BRME1: variants seen among roughly 807,000 people sequenced by gnomAD.
The protein encoded by BRME1 is BRCA2 and MEILB2-associating protein 1.
A neutral mutation model predicts 52.6 loss-of-function variants in BRME1; 31 were observed. The observed-to-expected ratio is 0.59, with a 90% CI of 0.44 to 0.80. The LOEUF is 0.80. Among genes scored for constraint, BRME1 ranks in the 30% least tolerant of loss-of-function variants. BRME1 has a pLI of 0.00. For missense variants in BRME1, 804 were observed against 860.3 expected (o/e 0.93, Z 0.82); for synonymous variants, 359 against 353.6 (o/e 1.02, Z -0.17).
chr19:13,892,737 G>T, intron 5 of BRME1, 49 bp downstream of exon 5: 1 of 1,500,266 alleles, frequency 6.7e-7, no homozygotes, highest in Non-Finnish European at 9.3e-7. Flanking sequence ...GGCTGGGCCA[G>T]GAGGCTGCAC....
In BRME1 at chr19:13,888,693, A is replaced by C. The variant is rs1857539065; in HGVS notation, c.1668+495T>G. Among the ~76,000 whole-genome samples the C allele has an allele frequency of 6.6e-6, 1 of 152,218 alleles. No individual in the cohort carries two copies. The highest frequency in any genetic ancestry group is 1.5e-5 in the Non-Finnish European group (1 of 68,036). ...CAAAATGACTTATGTATGTTTGGAA[A>C]AGAATCATATCAGGACCCCCAGAGG... On this transcript the variant is annotated intron_variant, in intron 6 of 8. Transcript: ENST00000586783. This position sits in a 1 kb window ranked among gnomAD's most constrained non-coding sequence, Gnocchi z 4.1.
At chr19:13,891,780 C>T (rs1485125509) in intron 5 of BRME1, among the ~76,000 whole-genome samples, 1 of 147,266 alleles carries the variant, frequency 6.8e-6, no homozygotes, top group East Asian at 2.3e-4. Flanking sequence ...AGTTTTAAAA[C>T]AATTATTGTA....
At chr19:13,895,253 G>A in intron 3 of BRME1, 119 bp downstream of exon 3, 3 of 1,029,790 alleles carry the variant, frequency 2.9e-6, no homozygotes, top group Non-Finnish European at 4.2e-6. Flanking sequence ...CTGGGAGGGA[G>A]TGGGTCACAG....
At chr19:13,891,135 T>TTTATTATTATTATTA (rs148642817) in intron 5 of BRME1, among the ~76,000 whole-genome samples, 409 of 146,658 alleles carry the variant, frequency 2.8e-3, no homozygotes, top group East Asian at 6.8e-3. Context: ...CAATTTCCTG[T>TTTATTATTATTATTA]TTATTATTAT....
At chr19:13,893,008 C>A in intron 4 of BRME1, 118 bp from the exon 5 acceptor site, 1 of 1,361,014 alleles carries the variant, frequency 7.3e-7, no homozygotes. Flanking sequence ...TCCACCCTTG[C>A]CCTCTGGGCA....
At chr19:13,885,811 C>G in intron 7 of BRME1, 150 bp downstream of exon 7, 2 of 640,286 alleles carry the variant, frequency 3.1e-6, no homozygotes, top group Non-Finnish European at 2.7e-6. Flanking sequence ...GGAATGTATA[C>G]AGTTTGAAAG....
At position 13,889,772 on chromosome 19, in the gene BRME1, G is replaced by C. The variant is rs777901983; in HGVS notation, c.1084C>G (p.Gln362Glu). The C allele has an allele frequency of 6.2e-7, 1 of 1,611,662 alleles. No homozygotes were observed. The highest frequency in any genetic ancestry group is 1.1e-5 in the South Asian group (1 of 91,040). ...RALEVAGPDG[Q>E]ASAISPASPR... is the part of the protein sequence containing the mutation. ...GAGGCAGGTGATATGGCACTGGCCT[G>C]CCCATCGGGCCCAGCCACCTCCAGA... is the stretch of plus-strand genomic sequence containing the variant. The change falls in exon 6 of 9, where the codon CAG (glutamine) becomes GAG (glutamate). Residue 362 changes from glutamine (Q) to glutamate (E), a missense_variant. Gln to Glu is a conservative substitution (Grantham distance 29, BLOSUM62 2). Coordinates refer to ENST00000586783, the MANE Select transcript of BRME1 (RefSeq NM_001345843.2).
rs1668210195 is a variant in BRME1 at position 13,883,835 on chromosome 19, C to T, written c.1764-435G>A. On this transcript the variant is annotated intron_variant, in intron 7 of 8. Coordinates refer to ENST00000586783, the MANE Select transcript of BRME1 (RefSeq NM_001345843.2). This position sits in a 1 kb window ranked among gnomAD's most constrained non-coding sequence, Gnocchi z 4.2. ...TCCTGGCCATTCCTTGAGCACCTCT[C>T]AGGATTCTGGAATGTTCTTTCCCAA... Among the ~76,000 whole-genome samples the T allele has an allele frequency of 6.6e-6, 1 of 151,176 alleles. No homozygotes were observed. Among genetic ancestry groups the T allele is most frequent in the African/African-American group, 2.5e-5 (1 of 40,628 alleles).
At position 13,883,019 on chromosome 19, in the gene BRME1, TCA is replaced by T. The variant is rs1348060258; in HGVS notation, c.1857-69_1857-68del. The T allele has an allele frequency of 3.9e-6, 6 of 1,557,678 alleles. No homozygotes were observed. The African/African-American group carries it at 8.2e-5, about 21-fold the overall frequency. On this transcript the variant is annotated intron_variant, in intron 8 of 8. Transcript: ENST00000586783. This position sits in a 1 kb window ranked among gnomAD's most constrained non-coding sequence, Gnocchi z 4.2. ...ACCAGGTGACAGAGGGGGCCGCGCC[TCA>T]CAGCCACATGGTCACCAATGACTCA... is the stretch of plus-strand genomic sequence containing the variant.
In BRME1 at chr19:13,883,248, C is replaced by T. The variant is rs1179646292; in HGVS notation, c.1856+60G>A. On this transcript the variant is annotated intron_variant, in intron 8 of 8. Coordinates refer to ENST00000586783, the MANE Select transcript of BRME1 (RefSeq NM_001345843.2). This position sits in a 1 kb window ranked among gnomAD's most constrained non-coding sequence, Gnocchi z 4.2. ...TTCACACTTCAGTCCCTCCCTGCTCCTCTGAGTCCCCACTGGCCTCCCGCA... is the reference window on the plus strand; with the variant it reads ...TTCACACTTCAGTCCCTCCCTGCTCTTCTGAGTCCCCACTGGCCTCCCGCA... 3.5e-6 allele frequency: 5 copies of T among 1,433,276 alleles called. No individual in the cohort carries two copies. The highest frequency in any genetic ancestry group is 4.7e-6 in the Non-Finnish European group (5 of 1,056,758). 88.8% of individuals were successfully genotyped at this position (1,433,276 alleles called of 1,614,324 possible). A position where few individuals can be genotyped will look rare whatever the true frequency, so the allele number is the denominator to read the frequency against.
Position 13,882,839 on chromosome 19 carries a change from T to A in BRME1, c.1970A>T (p.Asn657Ile), listed in dbSNP as rs546246448. 2 of 1,613,892 alleles carry A rather than the reference T, an allele frequency of 1.2e-6. No homozygotes were observed. The highest frequency in any genetic ancestry group is 8.5e-7 in the Non-Finnish European group (1 of 1,179,946). Residue 657 changes from asparagine to isoleucine, a missense_variant, in exon 9 of 9, where the codon AAT (asparagine) becomes ATT (isoleucine). Asn to Ile is a moderately radical substitution (Grantham distance 149). Around this residue, in one of 3 missense-constraint regions of BRME1, gnomAD observed 552 missense variants for 561.1 expected, o/e 0.98. Transcript: ENST00000586783. ...CCAGGGTGGGTCCCCTCGAGGGATA[T>A]TCCCAGGCCCCTTGGAAGGGTAAGG... ...PLPYPSKGPG[N>I]IPRGDPPWRE... is the part of the protein sequence containing the mutation.
intron 2 of BRME1, among the ~76,000 whole-genome samples, chr19:13,897,691 C>A (rs1222726473): frequency 1.3e-5 from 2 of 151,418 alleles, no homozygotes; most frequent in African/African-American, 4.9e-5. Flanking sequence ...CATGGCGAAA[C>A]CCTGTCTAAA....
chr19:13,887,548 C>T (rs191327793), intron 6 of BRME1, among the ~76,000 whole-genome samples: 1 of 152,314 alleles, frequency 6.6e-6, no homozygotes, highest in Admixed American at 6.5e-5. Context: ...CCTAGGCACA[C>T]CTGGCCCCAA....
chr19:13,904,544 C>T (rs1377106906), intron 2 of BRME1, among the ~76,000 whole-genome samples: 4 of 152,086 alleles, frequency 2.6e-5, no homozygotes, highest in South Asian at 2.1e-4. Flanking sequence ...CAGGTTCAAA[C>T]GATTCTCCTG....
chr19:13,888,681 G>C lies in BRME1; in HGVS notation c.1668+507C>G, dbSNP rs553626978. Among the ~76,000 whole-genome samples the C allele has an allele frequency of 6.6e-6, 1 of 152,344 alleles. No individual in the cohort carries two copies. The highest frequency in any genetic ancestry group is 1.9e-4 in the East Asian group (1 of 5,184). Reference sequence around the variant, plus strand: ...CTGGCAGAAAAACAAAATGACTTATGTATGTTTGGAAAAGAATCATATCAG... The same window carrying C: ...CTGGCAGAAAAACAAAATGACTTATCTATGTTTGGAAAAGAATCATATCAG... On this transcript the variant is annotated intron_variant, in intron 6 of 8. Coordinates refer to ENST00000586783, the MANE Select transcript of BRME1 (RefSeq NM_001345843.2). The surrounding 1 kb of genome is among the most constrained non-coding windows in gnomAD (Gnocchi z 4.1).
intron 3 of BRME1, 36 bp downstream of exon 3, chr19:13,895,336 G>C: frequency 6.3e-7 from 1 of 1,596,254 alleles, no homozygotes; most frequent in African/African-American, 1.3e-5. Context: ...TGGACTGTCA[G>C]TGGGGAGACC....
chr19:13,892,507 A>G (rs1341470742), intron 5 of BRME1, among the ~76,000 whole-genome samples: 2 of 152,098 alleles, frequency 1.3e-5, no homozygotes, highest in African/African-American at 4.8e-5. Flanking sequence ...GAATTGCTTG[A>G]ACCCAGTGGG....
intron 5 of BRME1, 135 bp downstream of exon 5, chr19:13,892,651 T>G (rs1265541312): frequency 1.5e-6 from 1 of 649,668 alleles, no homozygotes. Flanking sequence ...CATAGCGCAA[T>G]GTACTGAAAA....
intron 2 of BRME1, among the ~76,000 whole-genome samples, chr19:13,900,926 C>T (rs1173366995): frequency 1.3e-5 from 2 of 152,072 alleles, no homozygotes; most frequent in African/African-American, 4.8e-5. Flanking sequence ...CCACCTGCCT[C>T]GGCCTCCCAA....
Sources: gnomAD v4.1 joint callset for allele counts (sites outside exome capture counted in the v4.1 genomes callset) on GRCh38, gnomAD v4.1.1 for gene constraint, gnomAD v4.1.1 regional missense constraint, Gnocchi (gnomAD v3.1) non-coding constraint, MANE v1.5 for transcripts, NCBI Gene and HGNC (gene_info 2026-07-23, HGNC 2026-07-21) for gene names.